The following MRPS2 variants were observed in gnomAD, a reference collection of about 807,000 sequenced individuals.
The protein encoded by MRPS2 is mitochondrial ribosomal protein S2, also known as small ribosomal subunit protein uS2m.
A neutral mutation model predicts 18.9 loss-of-function variants in MRPS2; 13 were observed. The observed-to-expected ratio is 0.69, with a 90% CI of 0.45 to 1.09. MRPS2 has a LOEUF of 1.09. MRPS2 is among the 50% of genes least tolerant of loss of function. The pLI is 0.00. For synonymous variants in MRPS2, 186 were observed against 178.4 expected, an observed-to-expected ratio of 1.04 and a Z score of -0.34; for missense variants, 389 against 421.7, an observed-to-expected ratio of 0.92 and a Z score of 0.68.
In MRPS2 at chr9:135,504,452, T is replaced by G; in HGVS notation, c.*319T>G. 1 of 371,436 alleles carries G rather than the reference T, an allele frequency of 2.7e-6. No homozygotes were observed. 23.0% of individuals were successfully genotyped at this position (371,436 alleles called of 1,614,324 possible). A position where few individuals can be genotyped will look rare whatever the true frequency, so the allele number is the denominator to read the frequency against. The stretch of plus-strand genomic sequence containing the variant: ...TCCCTGTGATCCCAGCAGCCCTCCC[T>G]TCACCGTGACCCCTGACCTTTGTCA... On this transcript the variant is annotated 3_prime_UTR_variant, in exon 4 of 4. Transcript: ENST00000241600. This position sits in a 1 kb window ranked among gnomAD's most constrained non-coding sequence, Gnocchi z 4.3.
In MRPS2 at chr9:135,503,514, C is replaced by T. The variant is rs565431936; in HGVS notation, c.300-28C>T. 5 of 1,596,572 alleles carry T rather than the reference C, an allele frequency of 3.1e-6. No individual in the cohort carries two copies. The African/African-American group carries it at 5.4e-5, about 17-fold the overall frequency. On this transcript the variant is annotated intron_variant, in intron 3 of 3. Transcript: ENST00000241600. ...GGAGATGGCCCCGTGAACTCTCATC[C>T]CCCTTGCCTTGGTGGGGTCTCTGGC...
rs1055900061 is a variant in MRPS2 at position 135,501,281 on chromosome 9, C to G, written c.169+158C>G. The G allele has an allele frequency of 8.3e-4, 1,194 of 1,430,874 alleles. 3 individuals carry two copies. The highest frequency in any genetic ancestry group is 1.6e-3 in the Admixed American group (55 of 35,024). The allele number at this position is 1,430,874 out of a possible 1,614,324, so 88.6% of individuals were successfully genotyped here. On this transcript the variant is annotated intron_variant, in intron 2 of 3. Transcript: ENST00000241600. ...CGTGCTCGCCGCCGCTCGGTCCTGC[C>G]TGACGTAGCACAGCGGGCTGAGGCC...
intron 2 of MRPS2, 91 bp from the exon 3 acceptor site, chr9:135,501,753 A>T: frequency 1.9e-6 from 3 of 1,557,318 alleles, no homozygotes; most frequent in Non-Finnish European, 8.7e-7. Context: ...CACAGAAGGC[A>T]CTTGGGAGCA....
Position 135,503,539 on chromosome 9 carries a change from C to T in MRPS2, c.300-3C>T, listed in dbSNP as rs371545301. The T allele has an allele frequency of 2.5e-6, 4 of 1,610,212 alleles. No individual in the cohort carries two copies. Among genetic ancestry groups the T allele is most frequent in the Non-Finnish European group, 3.4e-6 (4 of 1,177,708 alleles). The stretch of plus-strand genomic sequence containing the variant: ...CCCCTTGCCTTGGTGGGGTCTCTGG[C>T]AGGTTTATGGAGCCGTACATCTTTG... On this transcript the variant is annotated splice_region_variant and splice_polypyrimidine_tract_variant and intron_variant, in intron 3 of 3. Transcript: ENST00000241600.
chr9:135,501,551 G>A, intron 2 of MRPS2: 1 of 976,348 alleles, frequency 1.0e-6, no homozygotes, highest in Non-Finnish European at 1.3e-6. Context: ...TGAGCAACCC[G>A]CTGGGCCCCT....
chr9:135,500,484 G>A (rs540247964), upstream of MRPS2: 699 of 479,212 alleles, frequency 1.5e-3, 1 homozygote, highest in Non-Finnish European at 1.7e-3. Context: ...CGAGCTGCAG[G>A]GCGAGGACCG....
At position 135,503,637 on chromosome 9, in the gene MRPS2, C is replaced by A. The variant is rs1348142464; in HGVS notation, c.395C>A (p.Thr132Asn). Residue 132 changes from threonine (T) to asparagine (N), a missense_variant, in exon 4 of 4, where the codon ACC (threonine) becomes AAC (asparagine). Thr to Asn is a moderately conservative substitution (Grantham distance 65, BLOSUM62 0). Coordinates refer to ENST00000241600, the MANE Select transcript of MRPS2 (RefSeq NM_016034.5). ...CACCTCCAGCTGGCCTTGAACTTCA[C>A]CGCCCACATGGCCTACCGCAAGGGC... Reference protein sequence around the residue: ...ATHLQLALNFTAHMAYRKGII... With the variant: ...ATHLQLALNFNAHMAYRKGII... 6.2e-7 allele frequency: 1 copy of A among 1,613,866 alleles called. No homozygotes were observed. The highest frequency in any genetic ancestry group is 1.1e-5 in the South Asian group (1 of 91,082).
chr9:135,500,916 A>AGGGGCCCGTTGGGGATGCGGT (rs1339876778), intron 1 of MRPS2, 82 bp from the exon 2 acceptor site: 4 of 1,586,026 alleles, frequency 2.5e-6, no homozygotes, highest in Non-Finnish European at 3.4e-6. Context: ...AGGGACGCGG[A>AGGGGCCCGTTGGGGATGCGGT]GGGGCCCGTT....
In MRPS2 at chr9:135,504,312, C is replaced by G; in HGVS notation, c.*179C>G. 5 of 645,268 alleles carry G rather than the reference C, an allele frequency of 7.7e-6. No individual in the cohort carries two copies. The South Asian group carries it at 9.7e-5, about 13-fold the overall frequency. 40.0% of individuals were successfully genotyped at this position (645,268 alleles called of 1,614,324 possible). A position where few individuals can be genotyped will look rare whatever the true frequency, so the allele number is the denominator to read the frequency against. On this transcript the variant is annotated 3_prime_UTR_variant, in exon 4 of 4. Transcript: ENST00000241600. The surrounding 1 kb of genome is among the most constrained non-coding windows in gnomAD (Gnocchi z 4.3). ...CTGAGCGGACCAACGTTGCCATGTG[C>G]GTTTGCTCTGTGGGGAACAGAGCAC...
At position 135,503,806 on chromosome 9, in the gene MRPS2, C is replaced by T. The variant is rs148613493; in HGVS notation, c.564C>T (p.Arg188=). 2.9e-5 allele frequency: 47 copies of T among 1,613,228 alleles called. No homozygotes were observed. The African/African-American group carries it at 5.9e-4, about 20-fold the overall frequency. Residue 188 remains arginine (R), a synonymous_variant, in exon 4 of 4, where the codon CGC becomes CGT. Transcript: ENST00000241600. The stretch of plus-strand genomic sequence containing the variant: ...GCCTCCTCTTTGGCCCCACGGTCCG[C>T]CTGCCGGACCTCATCATCTTCCTGC... The part of the protein sequence containing the change: ...NARLLFGPTV[R]LPDLIIFLHT...
intron 3 of MRPS2, chr9:135,502,213 G>A: frequency 7.5e-7 from 1 of 1,335,770 alleles, no homozygotes; most frequent in Non-Finnish European, 9.6e-7. Context: ...CCTGCTGGGG[G>A]TTGCAGGACT....
chr9:135,501,610 C>G, intron 2 of MRPS2: 1 of 1,321,352 alleles, frequency 7.6e-7, no homozygotes. Flanking sequence ...CGGGGTTGAC[C>G]AGGTTCGACC....
chr9:135,503,840 A>G lies in MRPS2; in HGVS notation c.598A>G (p.Asn200Asp), dbSNP rs774422768. The G allele has an allele frequency of 6.2e-7, 1 of 1,613,780 alleles. No individual in the cohort carries two copies. Residue 200 changes from asparagine (N) to aspartate (D), a missense_variant, in exon 4 of 4, where the codon AAC becomes GAC. Asn to Asp is a conservative substitution (Grantham distance 23, BLOSUM62 1). Coordinates refer to ENST00000241600, the MANE Select transcript of MRPS2 (RefSeq NM_016034.5). ...CCTCATCATCTTCCTGCACACGCTC[A>G]ACAACATCTTTGAGCCACACGTGGC... ...PDLIIFLHTL[N>D]NIFEPHVAVR...
chr9:135,501,402 C>A, intron 2 of MRPS2: 1 of 1,256,236 alleles, frequency 8.0e-7, no homozygotes, highest in South Asian at 2.0e-5. Context: ...CACCGAGGCC[C>A]GGAGCCCCGA....
chr9:135,502,534 G>A (rs747477677), intron 3 of MRPS2: 36 of 163,782 alleles, frequency 2.2e-4, no homozygotes, highest in African/African-American at 3.9e-4. Context: ...GGCTGGGGCC[G>A]AAGGGATCAA....
intron 2 of MRPS2, 143 bp downstream of exon 2, chr9:135,501,266 GCCGCTCGGTCCTGCCT>G: frequency 7.0e-7 from 1 of 1,432,298 alleles, no homozygotes; most frequent in Non-Finnish European, 9.1e-7. Context: ...CGTGCTCGCC[GCCGCTCGGTCCTGCCT>G]GACGTAGCAC....
At position 135,501,117 on chromosome 9, in the gene MRPS2, A is replaced by C. The variant is rs1269968382; in HGVS notation, c.163A>C (p.Ser55Arg). ...TALMIRESED[S>R]TDFNDKILNE... Reference sequence around the variant, plus strand: ...CCTTATGATCCGCGAGTCGGAGGACAGCACCGGTAACACTGGGCGCCCAGC... The same window carrying C: ...CCTTATGATCCGCGAGTCGGAGGACCGCACCGGTAACACTGGGCGCCCAGC... Residue 55 changes from serine (S) to arginine (R), a missense_variant, in exon 2 of 4, where the codon AGC (serine) becomes CGC (arginine). Physicochemically the swap from Ser to Arg is moderately radical, Grantham distance 110. Transcript: ENST00000241600. The C allele has an allele frequency of 1.3e-6, 2 of 1,594,282 alleles. No individual in the cohort carries two copies. Among genetic ancestry groups the C allele is most frequent in the Non-Finnish European group, 1.7e-6 (2 of 1,173,320 alleles).
At chr9:135,501,170 G>A in intron 2 of MRPS2, 47 bp downstream of exon 2, 1 of 1,530,062 alleles carries the variant, frequency 6.5e-7, no homozygotes, top group Non-Finnish European at 8.8e-7. Flanking sequence ...AGGAGAGGCC[G>A]GCAGCCGCGG....
chr9:135,501,528 T>C, intron 2 of MRPS2: 1 of 827,226 alleles, frequency 1.2e-6, no homozygotes, highest in Non-Finnish European at 1.6e-6. Context: ...GGCGGGGAGG[T>C]GCCAGAAAGA....
Sources: gnomAD v4.1 joint callset for allele counts on GRCh38, gnomAD v4.1.1 for gene constraint, Gnocchi (gnomAD v3.1) non-coding constraint, MANE v1.5 for transcripts, NCBI Gene and HGNC (gene_info 2026-07-23, HGNC 2026-07-21) for gene names.